Variants in PPM1L observed in about 807,000 individuals in gnomAD.
PPM1L encodes the protein protein phosphatase 1L.
A neutral mutation model predicts 31.4 loss-of-function variants in PPM1L; 13 were observed. The observed-to-expected ratio is 0.41, with a 90% CI of 0.27 to 0.66. PPM1L has a LOEUF of 0.66. PPM1L is among the 30% of genes least tolerant of loss of function. PPM1L has a pLI of 0.29. For synonymous variants in PPM1L, 184 were observed against 175.4 expected, an observed-to-expected ratio of 1.05 and a Z score of -0.39; for missense variants, 326 against 453.7, an observed-to-expected ratio of 0.72 and a Z score of 2.56.
intron 1 of PPM1L, among the ~76,000 whole-genome samples, chr3:160,848,964 A>T (rs187410661): frequency 1.3e-5 from 2 of 152,238 alleles, no homozygotes; most frequent in Admixed American, 1.3e-4. Context: ...TTCACAAATT[A>T]ATTTTATTAT....
At chr3:160,816,277 G>C (rs1396699984) in intron 1 of PPM1L, among the ~76,000 whole-genome samples, 1 of 151,888 alleles carries the variant, frequency 6.6e-6, no homozygotes, top group East Asian at 1.9e-4. Context: ...GTGTGTGTGT[G>C]TGTGTGTGTG....
Position 161,069,318 on chromosome 3 carries a change from G to C in PPM1L, c.*161G>C. On this transcript the variant is annotated 3_prime_UTR_variant, in exon 4 of 4. Transcript: ENST00000498165. ...AGGTCTATAATCAGTGACGAACAGAGGGTGCCCTTGGCCAATGTAGTTAAG... is the reference window on the plus strand; with the variant it reads ...AGGTCTATAATCAGTGACGAACAGACGGTGCCCTTGGCCAATGTAGTTAAG... 3.2e-6 allele frequency: 2 copies of C among 627,326 alleles called. No homozygotes were observed. The highest frequency in any genetic ancestry group is 5.4e-6 in the Non-Finnish European group (2 of 367,526). 38.9% of individuals were successfully genotyped at this position (627,326 alleles called of 1,614,324 possible).
intron 1 of PPM1L, among the ~76,000 whole-genome samples, chr3:160,861,809 C>T (rs962666743): frequency 8.5e-5 from 13 of 152,114 alleles, no homozygotes; most frequent in Admixed American, 2.0e-4. Flanking sequence ...AGAATTTGCT[C>T]GTGTTTTCCA....
At chr3:160,971,645 T>C (rs927699424) in intron 2 of PPM1L, among the ~76,000 whole-genome samples, 2 of 152,226 alleles carry the variant, frequency 1.3e-5, no homozygotes, top group Non-Finnish European at 2.9e-5. Context: ...TACTGCCAGT[T>C]GCGTTTTTAA....
At chr3:161,034,177 T>G (rs1718667608) in intron 2 of PPM1L, among the ~76,000 whole-genome samples, 1 of 151,894 alleles carries the variant, frequency 6.6e-6, no homozygotes, top group Non-Finnish European at 1.5e-5. Context: ...TGGTGATCAT[T>G]AAAGTCAGGA....
intron 1 of PPM1L, among the ~76,000 whole-genome samples, chr3:160,867,778 G>T (rs1712147488): frequency 6.6e-6 from 1 of 152,142 alleles, no homozygotes; most frequent in Non-Finnish European, 1.5e-5. Context: ...TCATTGTAAA[G>T]GTTAAACAGC....
At chr3:160,824,123 T>G (rs1431456989) in intron 1 of PPM1L, among the ~76,000 whole-genome samples, 2 of 152,116 alleles carry the variant, frequency 1.3e-5, no homozygotes, top group Non-Finnish European at 2.9e-5. Context: ...GCGGGACCCT[T>G]GGGACAAAAT....
At chr3:160,808,108 C>G (rs1712658927) in intron 1 of PPM1L, among the ~76,000 whole-genome samples, 2 of 152,094 alleles carry the variant, frequency 1.3e-5, no homozygotes. Flanking sequence ...TTCACATTGC[C>G]TGTTTATCTT....
At chr3:160,909,554 G>A (rs1431898352) in intron 1 of PPM1L, among the ~76,000 whole-genome samples, 3 of 152,166 alleles carry the variant, frequency 2.0e-5, no homozygotes, top group Admixed American at 2.0e-4. Context: ...ATAGAAATCT[G>A]GGAACATAAG....
intron 1 of PPM1L, among the ~76,000 whole-genome samples, chr3:160,771,543 CTTTTTT>C (rs745978148): frequency 1.0e-4 from 8 of 77,398 alleles, no homozygotes; most frequent in African/African-American, 3.2e-4. Flanking sequence ...AAGGCTGGCT[CTTTTTT>C]TTTTTTTTTT....
intron 2 of PPM1L, among the ~76,000 whole-genome samples, chr3:161,002,106 C>T (rs770133240): frequency 1.7e-4 from 26 of 151,564 alleles, no homozygotes; most frequent in African/African-American, 2.4e-4. Context: ...TGTGTTCTTG[C>T]GATAGTTTAC....
chr3:160,896,015 T>G (rs1713324183), intron 1 of PPM1L, among the ~76,000 whole-genome samples: 1 of 152,162 alleles, frequency 6.6e-6, no homozygotes, highest in South Asian at 2.1e-4. Context: ...TTCATTTATT[T>G]TTTACTTAGT....
intron 2 of PPM1L, among the ~76,000 whole-genome samples, chr3:160,963,555 G>A (rs191740867): frequency 7.9e-5 from 12 of 152,162 alleles, no homozygotes; most frequent in Admixed American, 1.3e-4. Flanking sequence ...GAAATGTGGA[G>A]CCAAGAAATA....
chr3:161,033,372 C>T (rs530281064), intron 2 of PPM1L, among the ~76,000 whole-genome samples: 65 of 152,010 alleles, frequency 4.3e-4, no homozygotes, highest in Non-Finnish European at 5.6e-4. Context: ...AAAAAGAGCC[C>T]GTAGAGCCAA....
intron 1 of PPM1L, among the ~76,000 whole-genome samples, chr3:160,836,043 G>A (rs1713705076): frequency 6.6e-6 from 1 of 151,926 alleles, no homozygotes; most frequent in Admixed American, 6.6e-5. Context: ...TAATATTTGA[G>A]GATTGAAATA....
intron 1 of PPM1L, among the ~76,000 whole-genome samples, chr3:160,873,116 C>T (rs970990710): frequency 1.8e-4 from 28 of 152,098 alleles, no homozygotes; most frequent in Admixed American, 1.8e-3. Context: ...TGAACAGTTA[C>T]CTTGGCATGG....
intron 2 of PPM1L, among the ~76,000 whole-genome samples, chr3:160,993,966 A>G (rs901154969): frequency 2.0e-5 from 3 of 148,236 alleles, no homozygotes; most frequent in Non-Finnish European, 3.0e-5. Context: ...TGCTCAGTTA[A>G]TTTCACTTTG....
At chr3:161,025,471 C>G (rs1202784801) in intron 2 of PPM1L, among the ~76,000 whole-genome samples, 1 of 151,652 alleles carries the variant, frequency 6.6e-6, no homozygotes, top group Admixed American at 6.6e-5. Context: ...ACTCAGGAGG[C>G]TGAGGCAGGA....
At chr3:160,927,363 T>C (rs1283746864) in intron 1 of PPM1L, among the ~76,000 whole-genome samples, 2 of 152,120 alleles carry the variant, frequency 1.3e-5, no homozygotes, top group African/African-American at 2.4e-5. Flanking sequence ...ATTTTTAAAA[T>C]AGGGAGCAAT....
Sources: gnomAD v4.1 joint callset for allele counts (sites outside exome capture counted in the v4.1 genomes callset) on GRCh38, gnomAD v4.1.1 for gene constraint, MANE v1.5 for transcripts, NCBI Gene and HGNC (gene_info 2026-07-23, HGNC 2026-07-21) for gene names.